The following SLIT3 variants were observed in gnomAD, a reference collection of about 807,000 sequenced individuals.
SLIT3 encodes slit homolog 3 protein.
In SLIT3, 68 loss-of-function variants were observed where a neutral mutation model predicts 184.0. That is an observed-to-expected ratio of 0.37 (90% CI 0.30 to 0.45). SLIT3 has a LOEUF of 0.45. Among genes scored for constraint, SLIT3 ranks in the 20% least tolerant of loss-of-function variants. SLIT3 has a pLI of 1.00. For synonymous variants in SLIT3, 831 were observed against 828.6 expected (o/e 1.00, Z -0.05); for missense variants, 1,707 against 2,026.0 (o/e 0.84, Z 3.02).
At chr5:168,711,300 G>A (rs368589557) in intron 24 of SLIT3, among the ~76,000 whole-genome samples, 27 of 152,260 alleles carry the variant, frequency 1.8e-4, no homozygotes, top group East Asian at 7.8e-4. Context: ...TCTCACCTAC[G>A]CAAGTAAGAC....
chr5:168,953,246 T>C (rs1349755408), intron 4 of SLIT3, among the ~76,000 whole-genome samples: 1 of 152,228 alleles, frequency 6.6e-6, no homozygotes, highest in Non-Finnish European at 1.5e-5. Flanking sequence ...CGCCCATGGC[T>C]GCAAGCAAAT....
intron 14 of SLIT3, chr5:168,768,361 T>TCA: frequency 2.2e-6 from 1 of 457,358 alleles, no homozygotes; most frequent in Non-Finnish European, 4.4e-6. Flanking sequence ...GTGATTAGTA[T>TCA]CAGGAGTGGG....
chr5:169,144,535 C>T (rs568902169), intron 4 of SLIT3, among the ~76,000 whole-genome samples: 33 of 152,324 alleles, frequency 2.2e-4, no homozygotes, highest in Admixed American at 1.2e-3. Flanking sequence ...TCTAGCACAG[C>T]GTCTAGATGC....
intron 4 of SLIT3, among the ~76,000 whole-genome samples, chr5:169,116,781 C>T (rs1289029276): frequency 6.6e-6 from 1 of 152,206 alleles, no homozygotes; most frequent in East Asian, 1.9e-4. Flanking sequence ...GGCACCAGTG[C>T]TGGGGAAAAG....
At chr5:169,070,638 T>A (rs868774570) in intron 4 of SLIT3, among the ~76,000 whole-genome samples, 1 of 151,956 alleles carries the variant, frequency 6.6e-6, no homozygotes, top group Non-Finnish European at 1.5e-5. Context: ...GAGGACCAAG[T>A]GTTCGGTTCA....
chr5:168,892,737 A>T (rs1760514608), intron 4 of SLIT3, among the ~76,000 whole-genome samples: 1 of 152,218 alleles, frequency 6.6e-6, no homozygotes, highest in Non-Finnish European at 1.5e-5. Context: ...TCATTTAATT[A>T]TCATATGCAA....
intron 4 of SLIT3, among the ~76,000 whole-genome samples, chr5:169,141,105 C>T (rs937464670): frequency 1.3e-5 from 2 of 152,150 alleles, no homozygotes; most frequent in African/African-American, 4.8e-5. Flanking sequence ...AGACTCAGCT[C>T]GATGCTACCT....
chr5:169,058,889 A>G (rs1758092079), intron 4 of SLIT3, among the ~76,000 whole-genome samples: 1 of 152,210 alleles, frequency 6.6e-6, no homozygotes, highest in Non-Finnish European at 1.5e-5. Context: ...GTTGCTCTAG[A>G]GAGTATCAAG....
chr5:168,872,766 G>A (rs1009265540), intron 5 of SLIT3, among the ~76,000 whole-genome samples: 2 of 150,330 alleles, frequency 1.3e-5, no homozygotes, highest in African/African-American at 4.9e-5. Flanking sequence ...AGCCTCTCCC[G>A]AGTAGCTGGG....
At chr5:168,924,476 AT>A (rs1180780294) in intron 4 of SLIT3, among the ~76,000 whole-genome samples, 1 of 151,100 alleles carries the variant, frequency 6.6e-6, no homozygotes, top group Non-Finnish European at 1.5e-5. Context: ...AATAAGGAAC[AT>A]TTAAGGGTGT....
At chr5:169,275,652 G>T (rs1766777971) in intron 1 of SLIT3, among the ~76,000 whole-genome samples, 1 of 152,132 alleles carries the variant, frequency 6.6e-6, no homozygotes, top group Admixed American at 6.5e-5. Flanking sequence ...AAATGAATGA[G>T]GATGCAAGAG....
At chr5:169,120,270 A>G (rs1760830837) in intron 4 of SLIT3, 1 of 152,162 alleles carries the variant, frequency 6.6e-6, no homozygotes, top group Non-Finnish European at 1.5e-5. Flanking sequence ...TCTTCCTCAT[A>G]ATAGTTGCTC....
intron 10 of SLIT3, among the ~76,000 whole-genome samples, 200 bp downstream of exon 10, chr5:168,795,307 C>T (rs901294976): frequency 2.6e-5 from 4 of 152,180 alleles, no homozygotes; most frequent in African/African-American, 9.7e-5. Flanking sequence ...GCTACATGTC[C>T]AAGCCCACAC....
At chr5:168,819,695 T>G (rs1359311585) in intron 7 of SLIT3, among the ~76,000 whole-genome samples, 1 of 152,196 alleles carries the variant, frequency 6.6e-6, no homozygotes, top group Non-Finnish European at 1.5e-5. Context: ...ACTGAGCTGA[T>G]TAATTTCTGG....
chr5:168,777,100 C>T (rs1384292891), intron 12 of SLIT3, among the ~76,000 whole-genome samples: 1 of 12,200 alleles, frequency 8.2e-5, no homozygotes, highest in African/African-American at 2.6e-4. Context: ...CACACACACA[C>T]ACACACCCCC....
chr5:168,926,363 A>G (rs1004969888), intron 4 of SLIT3, among the ~76,000 whole-genome samples: 15 of 152,186 alleles, frequency 9.9e-5, no homozygotes, highest in Non-Finnish European at 1.5e-4. Flanking sequence ...TCATTTCTCT[A>G]AGAGAGAACA....
chr5:169,125,488 T>TTC (rs1761046903), intron 4 of SLIT3, among the ~76,000 whole-genome samples: 1 of 152,238 alleles, frequency 6.6e-6, no homozygotes, highest in African/African-American at 2.4e-5. Context: ...AGAAATGCCC[T>TTC]TCTTTGGGAA....
At chr5:169,249,636 T>A (rs933900095) in intron 2 of SLIT3, among the ~76,000 whole-genome samples, 1 of 152,234 alleles carries the variant, frequency 6.6e-6, no homozygotes, top group African/African-American at 2.4e-5. Context: ...CAAGCATCTA[T>A]TTTTTAACCT....
chr5:168,674,698 GC>G (rs2113187662), intron 32 of SLIT3, among the ~76,000 whole-genome samples: 1 of 151,954 alleles, frequency 6.6e-6, no homozygotes, highest in Non-Finnish European at 1.5e-5. Context: ...CACCATGTTG[GC>G]CAGGCTGGTC....
Sources: allele counts gnomAD v4.1 joint callset (sites outside exome capture counted in the v4.1 genomes callset), GRCh38; gene constraint gnomAD v4.1.1; transcripts MANE v1.5; gene names NCBI Gene and HGNC (gene_info 2026-07-23, HGNC 2026-07-21).